The following LAMP2 variants were observed in gnomAD, a reference collection of about 807,000 sequenced individuals.
LAMP2 encodes lysosome-associated membrane glycoprotein 2.
A neutral mutation model predicts 25.6 loss-of-function variants in LAMP2; 4 were observed. The observed-to-expected ratio is 0.16, with a 90% CI of 0.08 to 0.36. The LOEUF (loss-of-function observed/expected upper bound fraction) is 0.36. LAMP2 is among the 10% of genes least tolerant of loss of function. The pLI is 1.00. For missense variants in LAMP2, 272 were observed against 301.4 expected (o/e 0.90, Z 0.72); for synonymous variants, 108 against 112.7 (o/e 0.96, Z 0.27).
intron 3 of LAMP2, 53 bp from the exon 4 acceptor site, chrX:120,449,181 TAATATA>T: frequency 6.3e-6 from 6 of 955,967 alleles, no homozygotes; most frequent in Non-Finnish European, 8.9e-6. Context: ...AGAAAAGTGA[TAATATA>T]AATATATTTG....
intron 2 of LAMP2, 87 bp downstream of exon 2, chrX:120,456,564 A>G (rs1324000045): frequency 4.3e-6 from 2 of 468,793 alleles, no homozygotes; most frequent in Non-Finnish European, 7.3e-6. Flanking sequence ...GTCAACGTGG[A>G]ATTTCATTTG....
chrX:120,468,968 G>A (rs1195087816), intron 1 of LAMP2, 138 bp downstream of exon 1: 7 of 695,814 alleles, frequency 1.0e-5, no homozygotes, highest in Admixed American at 2.3e-5. Flanking sequence ...TTGCCTCCCC[G>A]GGCCAACCGC....
At chrX:120,444,912 T>C (rs1218166781) in intron 6 of LAMP2, among the ~76,000 whole-genome samples, 1 of 111,995 alleles carries the variant, frequency 8.9e-6, no homozygotes, top group African/African-American at 3.3e-5. Flanking sequence ...ACATTGCAGG[T>C]GTCTCTTGAT....
chrX:120,429,175 T>A lies in LAMP2; in HGVS notation c.*2148A>T. 3 of 718,598 alleles carry A rather than the reference T, an allele frequency of 4.2e-6. No individual in the cohort carries two copies. Among genetic ancestry groups the A allele is most frequent in the Non-Finnish European group, 4.9e-6 (3 of 614,399 alleles). The allele number at this position is 718,598 out of a possible 1,213,427, so 59.2% of individuals were successfully genotyped here. ...GTGTGTGTGTACATATATATATATA[T>A]ACACACACACACAATTATTTTTAGC... On this transcript the variant is annotated 3_prime_UTR_variant, in exon 9 of 9. Coordinates refer to ENST00000200639, the MANE Select transcript of LAMP2 (RefSeq NM_002294.3).
intron 3 of LAMP2, among the ~76,000 whole-genome samples, 173 bp from the exon 4 acceptor site, chrX:120,449,301 G>A (rs1410772723): frequency 8.9e-6 from 1 of 112,589 alleles, no homozygotes; most frequent in Admixed American, 9.4e-5. Flanking sequence ...TAAAACATAA[G>A]GAGTAAGGGG....
In LAMP2 at chrX:120,428,233, ATTTAC is replaced by A. The variant is rs1361043476; in HGVS notation, c.*3085_*3089del. The A allele has an allele frequency of 8.1e-6, 2 of 247,664 alleles. No individual in the cohort carries two copies. The highest frequency in any genetic ancestry group is 1.4e-5 in the Non-Finnish European group (2 of 143,328). 20.4% of individuals were successfully genotyped at this position (247,664 alleles called of 1,213,427 possible). On this transcript the variant is annotated 3_prime_UTR_variant, in exon 9 of 9. Transcript: ENST00000200639. ...TTGGATCCAGGGGCTTAAAATCATT[ATTTAC>A]TTAAAAAATTCTAAGCCACAATTTT...
At chrX:120,463,036 T>C (rs1921383536) in intron 1 of LAMP2, among the ~76,000 whole-genome samples, 1 of 112,410 alleles carries the variant, frequency 8.9e-6, no homozygotes, top group African/African-American at 3.2e-5. Context: ...TTCTGGACTC[T>C]TGTCCTCAAA....
chrX:120,455,713 T>C (rs1921064716), intron 2 of LAMP2, 143 bp from the exon 3 acceptor site: 1 of 474,020 alleles, frequency 2.1e-6, no homozygotes, highest in Non-Finnish European at 3.7e-6. Context: ...TGTAAACCAG[T>C]CCCTGATTCT....
At chrX:120,434,966 T>TA (rs2058537074) in intron 8 of LAMP2, among the ~76,000 whole-genome samples, 1 of 110,734 alleles carries the variant, frequency 9.0e-6, no homozygotes, top group African/African-American at 3.3e-5. Context: ...CCATCTCTAC[T>TA]AAAAAAATAA....
intron 3 of LAMP2, among the ~76,000 whole-genome samples, chrX:120,453,586 G>C (rs1271581166): frequency 8.9e-6 from 1 of 112,127 alleles, no homozygotes; most frequent in Non-Finnish European, 1.9e-5. Context: ...GAGGTGGGTG[G>C]ATCGTGAGGT....
Position 120,441,750 on chromosome X carries a change from G to A in LAMP2, c.1073C>T (p.Thr358Ile), listed in dbSNP as rs2058573069. The change falls in exon 8 of 9, where the codon ACA (threonine) becomes ATA (isoleucine). Residue 358 changes from threonine (T) to isoleucine (I), a missense_variant. By Grantham distance (89) the Thr-to-Ile change is moderately conservative (BLOSUM62 -1). Coordinates refer to ENST00000200639, the MANE Select transcript of LAMP2 (RefSeq NM_002294.3). ...CTTACCTGTAGAATACTTTCCTTGT[G>A]TCACATTGAAAGGCTGAACCCTTAG... ...FDLRVQPFNV[T>I]QGKYSTAQDC... The A allele has an allele frequency of 3.3e-6, 4 of 1,206,772 alleles. No individual in the cohort carries two copies. The South Asian group carries it at 7.0e-5, about 21-fold the overall frequency.
chrX:120,449,309 G>C lies in LAMP2; in HGVS notation c.398-181C>G, dbSNP rs1256836641. ...CTGTGGCTAAAACATAAGGAGTAAG[G>C]GGGAAGAAGAAATGGGGGTTAGGGG... On this transcript the variant is annotated intron_variant, in intron 3 of 8. Transcript: ENST00000200639. Among the ~76,000 whole-genome samples, 6 of 112,781 alleles carry C rather than the reference G, an allele frequency of 5.3e-5. No individual in the cohort carries two copies. The South Asian group carries it at 2.2e-3, about 41-fold the overall frequency.
chrX:120,456,754 T>G lies in LAMP2; in HGVS notation c.80A>C (p.Tyr27Ser), dbSNP rs1449153826. The G allele has an allele frequency of 1.8e-6, 2 of 1,135,626 alleles. No individual in the cohort carries two copies. Among genetic ancestry groups the G allele is most frequent in the East Asian group, 6.0e-5 (2 of 33,315 alleles). 93.6% of individuals were successfully genotyped at this position (1,135,626 alleles called of 1,213,427 possible). ...ATCTGTCAAATTAAGTTCCAATGCATAAGACCGCACAGCTCCTGGATTCAT... is the reference window on the plus strand; with the variant it reads ...ATCTGTCAAATTAAGTTCCAATGCAGAAGACCGCACAGCTCCTGGATTCAT... ...VCLVLGAVRSYALELNLTDSE... is the reference protein window; with the variant it reads ...VCLVLGAVRSSALELNLTDSE... The change falls in exon 2 of 9, where the codon TAT becomes TCT. Residue 27 changes from tyrosine to serine, a missense_variant. By Grantham distance (144) the Tyr-to-Ser change is moderately radical. Transcript: ENST00000200639.
intron 3 of LAMP2, among the ~76,000 whole-genome samples, chrX:120,449,899 G>A (rs1429481056): frequency 9.0e-6 from 1 of 111,564 alleles, no homozygotes; most frequent in Non-Finnish European, 1.9e-5. Context: ...TTAAGGTGAA[G>A]GGTAAGGGAG....
intron 8 of LAMP2, among the ~76,000 whole-genome samples, chrX:120,434,754 A>AT (rs1328465968): frequency 8.9e-6 from 1 of 112,220 alleles, no homozygotes; most frequent in African/African-American, 3.2e-5. Context: ...CAGTTCAGAC[A>AT]TTTTTCAAAC....
At chrX:120,437,218 G>C in intron 8 of LAMP2, 2 of 746,314 alleles carry the variant, frequency 2.7e-6, no homozygotes, top group Non-Finnish European at 3.2e-6. Flanking sequence ...TTTAAGTGAC[G>C]GAAAATATTT....
intron 8 of LAMP2, among the ~76,000 whole-genome samples, chrX:120,435,885 G>C (rs989698770): frequency 9.0e-6 from 1 of 110,954 alleles, no homozygotes; most frequent in Non-Finnish European, 1.9e-5. Flanking sequence ...AAACTGGAAG[G>C]CTCAAGTATT....
Position 120,431,423 on chromosome X carries a change from G to A in LAMP2, c.1133C>T (p.Pro378Leu). ...CSADDDNFLV[P>L]IAVGAALAGV... ...TGCCAAGGCAGCTCCCACCGCTATG[G>A]GCACAAGGAAGTTGTCGTCATCTGC... The change falls in exon 9 of 9, where the codon CCC (proline) becomes CTC (leucine). Residue 378 changes from proline to leucine, a missense_variant. Physicochemically the swap from Pro to Leu is moderately conservative, Grantham distance 98. Coordinates refer to ENST00000200639, the MANE Select transcript of LAMP2 (RefSeq NM_002294.3). 9 of 1,211,101 alleles carry A rather than the reference G, an allele frequency of 7.4e-6. No homozygotes were observed. The highest frequency in any genetic ancestry group is 1.0e-5 in the Non-Finnish European group (9 of 894,867).
In LAMP2 at chrX:120,447,617, G is replaced by A. The variant is rs181256167; in HGVS notation, c.741+224C>T. ...CCCAGCAACTCGGGAGGCTGAGGCAGGAGAATGGCGTGAACCCGGGAGGCG... is the reference window on the plus strand; with the variant it reads ...CCCAGCAACTCGGGAGGCTGAGGCAAGAGAATGGCGTGAACCCGGGAGGCG... On this transcript the variant is annotated intron_variant, in intron 5 of 8. Transcript: ENST00000200639. Among the ~76,000 whole-genome samples the A allele has an allele frequency of 9.8e-3, 1,075 of 110,183 alleles. 5 individuals are homozygous for A. Among genetic ancestry groups the A allele is most frequent in the Non-Finnish European group, 0.015 (766 of 52,760 alleles).
Sources: allele counts gnomAD v4.1 joint callset (sites outside exome capture counted in the v4.1 genomes callset), GRCh38; gene constraint gnomAD v4.1.1; transcripts MANE v1.5; gene names NCBI Gene and HGNC (gene_info 2026-07-23, HGNC 2026-07-21).